DTNA: variants seen among roughly 807,000 people sequenced by gnomAD.
DTNA encodes dystrobrevin alpha.
DTNA carries 43 observed loss-of-function variants against 100.7 expected under a neutral mutation model. That is an observed-to-expected ratio of 0.43 (90% CI 0.33 to 0.55). The LOEUF (loss-of-function observed/expected upper bound fraction) is 0.55. Among genes scored for constraint, DTNA ranks in the 20% least tolerant of loss-of-function variants. The pLI is 0.04. For missense variants in DTNA, 798 were observed against 953.9 expected, an observed-to-expected ratio of 0.84 and a Z score of 2.15; for synonymous variants, 349 against 347.9, an observed-to-expected ratio of 1.00 and a Z score of -0.04.
At chr18:34,701,899 C>T (rs950388364) in intron 1 of DTNA, among the ~76,000 whole-genome samples, 2 of 152,194 alleles carry the variant, frequency 1.3e-5, no homozygotes, top group Non-Finnish European at 2.9e-5. Context: ...CCTCCAAACT[C>T]GTTTCACTAT....
intron 1 of DTNA, among the ~76,000 whole-genome samples, chr18:34,541,623 A>AT (rs1198745844): frequency 1.3e-5 from 2 of 152,100 alleles, no homozygotes; most frequent in Non-Finnish European, 2.9e-5. Context: ...ACTTTCCTTT[A>AT]TAAATTACCC....
intron 1 of DTNA, among the ~76,000 whole-genome samples, chr18:34,569,643 A>G (rs547706954): frequency 2.6e-5 from 4 of 152,304 alleles, no homozygotes; most frequent in Admixed American, 6.5e-5. Flanking sequence ...TCATGTGACT[A>G]TGGAGGTTGA....
intron 1 of DTNA, among the ~76,000 whole-genome samples, chr18:34,622,810 A>G (rs984274174): frequency 1.3e-5 from 2 of 152,070 alleles, no homozygotes; most frequent in Non-Finnish European, 2.9e-5. Context: ...ATCGGCTCCC[A>G]TGTTTCTGAG....
intron 1 of DTNA, among the ~76,000 whole-genome samples, chr18:34,606,483 T>C (rs541672942): frequency 8.5e-5 from 13 of 152,286 alleles, no homozygotes; most frequent in South Asian, 2.1e-4. Flanking sequence ...ATAACATGCA[T>C]ATTGGAGTAA....
At position 34,838,836 on chromosome 18, in the gene DTNA, T is replaced by C. The variant is rs377526715; in HGVS notation, c.1345T>C (p.Cys449Arg). The C allele has an allele frequency of 2.0e-5, 32 of 1,613,212 alleles. No homozygotes were observed. In the South Asian group the frequency reaches 2.3e-4, roughly 12 times the overall value. Residue 449 changes from cysteine to arginine, a missense_variant and splice_region_variant, in exon 13 of 23, where the codon TGC (cysteine) becomes CGC (arginine). Transcript: ENST00000444659. The stretch of plus-strand genomic sequence containing the variant: ...CAACATGCTCCGGAACAACCCCTCA[T>C]GGTTAGTGCAGGTTTGGCTGCTTGA... ...YVNMLRNNPS[C>R]MLESSNRLDE...
In DTNA at chr18:34,680,095, T is replaced by C. The variant is rs566984488; in HGVS notation, c.-1-75881T>C. On this transcript the variant is annotated intron_variant, in intron 1 of 19. Transcript: ENST00000283365. ...CGGGATAACGTTTTAGATGCGCTTA[T>C]TGGGAGGTTTTGCTTAGAATTAAAA... is the stretch of plus-strand genomic sequence containing the variant. Among the ~76,000 whole-genome samples, 12 of 152,180 alleles carry C rather than the reference T, an allele frequency of 7.9e-5. No homozygotes were observed. In the East Asian group the frequency reaches 2.3e-3, roughly 29 times the overall value.
At chr18:34,774,464 T>G (rs1458798238) in intron 3 of DTNA, among the ~76,000 whole-genome samples, 1 of 152,236 alleles carries the variant, frequency 6.6e-6, no homozygotes, top group Non-Finnish European at 1.5e-5. Context: ...TGATGTCACC[T>G]GGGTTCACTC....
At chr18:34,595,337 A>G (rs2050373980) in intron 1 of DTNA, among the ~76,000 whole-genome samples, 2 of 152,244 alleles carry the variant, frequency 1.3e-5, no homozygotes, top group Admixed American at 6.5e-5. Flanking sequence ...AAATGAAAAT[A>G]TGTTAGGCTT....
chr18:34,807,972 G>T (rs1404363308), intron 5 of DTNA, among the ~76,000 whole-genome samples: 1 of 151,208 alleles, frequency 6.6e-6, no homozygotes, highest in East Asian at 1.9e-4. Flanking sequence ...GCTAAGGAAG[G>T]AAGTTCTGAG....
At chr18:34,548,325 G>A (rs181930038) in intron 1 of DTNA, among the ~76,000 whole-genome samples, 2 of 152,194 alleles carry the variant, frequency 1.3e-5, no homozygotes, top group South Asian at 2.1e-4. Flanking sequence ...AGACCAGAAA[G>A]CAAAGCTGTA....
chr18:34,836,421 G>T (rs1209664469), intron 11 of DTNA, among the ~76,000 whole-genome samples: 5 of 152,132 alleles, frequency 3.3e-5, no homozygotes, highest in Non-Finnish European at 4.4e-5. Context: ...GGGAGGCCGA[G>T]GGGGGCAGAT....
rs748199937 is a variant in DTNA at position 34,767,118 on chromosome 18, T to A, written c.148+1077T>A. On this transcript the variant is annotated intron_variant, in intron 3 of 22. Coordinates refer to ENST00000444659, the MANE Select transcript of DTNA (RefSeq NM_001386795.1). Reference sequence around the variant, plus strand: ...TACTTATTAAAAAAGTCTCATTTTTTAATTAATATTGGATGAATTTTTAAA... The same window carrying A: ...TACTTATTAAAAAAGTCTCATTTTTAAATTAATATTGGATGAATTTTTAAA... Among the ~76,000 whole-genome samples, 36 of 152,352 alleles carry A rather than the reference T, an allele frequency of 2.4e-4. 1 individual carries two copies. The highest frequency in any genetic ancestry group is 3.4e-3 in the Middle Eastern group (1 of 294).
At chr18:34,686,733 C>CT (rs2078956971) in intron 1 of DTNA, among the ~76,000 whole-genome samples, 2 of 152,036 alleles carry the variant, frequency 1.3e-5, no homozygotes, top group African/African-American at 4.8e-5. Context: ...CTCTTTTTAC[C>CT]TCTGGTAGAA....
chr18:34,868,012 G>A (rs2096725289), intron 17 of DTNA: 13 of 985,208 alleles, frequency 1.3e-5, no homozygotes, highest in Non-Finnish European at 1.3e-5. Flanking sequence ...TTTCAAAAAG[G>A]ACCTGAGGCA....
At chr18:34,820,463 A>G (rs193241436) in intron 8 of DTNA, among the ~76,000 whole-genome samples, 12 of 152,260 alleles carry the variant, frequency 7.9e-5, no homozygotes, top group Admixed American at 7.8e-4. Flanking sequence ...GGCTCCCTTC[A>G]CTGTTGCTGC....
chr18:34,598,287 G>A lies in DTNA; in HGVS notation c.-2+104773G>A, dbSNP rs533847282. The stretch of plus-strand genomic sequence containing the variant: ...AACAAGAGAGTAGAAATTTAAGTAT[G>A]GTGAGTCAGCTGTTTATTATCAGAG... On this transcript the variant is annotated intron_variant, in intron 1 of 19. Transcript: ENST00000283365. Among the ~76,000 whole-genome samples the A allele has an allele frequency of 8.6e-5, 13 of 151,580 alleles. No individual in the cohort carries two copies. The South Asian group carries it at 2.7e-3, about 32-fold the overall frequency.
intron 4 of DTNA, 32 bp downstream of exon 4, chr18:34,794,282 A>G (rs370070787): frequency 3.7e-6 from 6 of 1,612,096 alleles, no homozygotes; most frequent in African/African-American, 2.7e-5. Flanking sequence ...GTTCCTCTCT[A>G]CATGTTTGGC....
chr18:34,592,467 AACACACACACACACAC>A (rs3078085), intron 1 of DTNA, among the ~76,000 whole-genome samples: 11 of 139,436 alleles, frequency 7.9e-5, no homozygotes, highest in South Asian at 2.3e-4. Context: ...ACACTTGTAT[AACACACACACACACAC>A]ACACACACAC....
At chr18:34,866,752 G>C in intron 17 of DTNA, 1 of 989,812 alleles carries the variant, frequency 1.0e-6, no homozygotes, top group Non-Finnish European at 1.2e-6. Context: ...CATCTTTTTG[G>C]CTCTTCCCCA....
Sources: gnomAD v4.1 joint callset for allele counts (sites outside exome capture counted in the v4.1 genomes callset) on GRCh38, gnomAD v4.1.1 for gene constraint, MANE v1.5 for transcripts, NCBI Gene and HGNC (gene_info 2026-07-23, HGNC 2026-07-21) for gene names.